SYCP1: variants seen among roughly 807,000 people sequenced by gnomAD.
SYCP1 encodes the protein synaptonemal complex protein 1, also known as cancer/testis antigen 8.
A neutral mutation model predicts 153.1 loss-of-function variants in SYCP1; 64 were observed. The ratio of observed to expected loss-of-function variants is 0.42; its 90% CI spans 0.34 to 0.51. SYCP1 has a LOEUF of 0.51. SYCP1 is among the 20% of genes least tolerant of loss of function. SYCP1 has a pLI of 0.06. For missense variants in SYCP1, 997 were observed against 1,049.0 expected (o/e 0.95, Z 0.68); for synonymous variants, 384 against 341.8 (o/e 1.12, Z -1.36).
At chr1:114,958,848 T>A (rs892093124) in intron 27 of SYCP1, among the ~76,000 whole-genome samples, 4 of 148,816 alleles carry the variant, frequency 2.7e-5, no homozygotes, top group African/African-American at 9.9e-5. Flanking sequence ...GAGAATGGCA[T>A]GAACCTGGGA....
At chr1:114,990,115 T>G (rs1303761822) in intron 30 of SYCP1, among the ~76,000 whole-genome samples, 2 of 151,912 alleles carry the variant, frequency 1.3e-5, no homozygotes, top group Admixed American at 6.6e-5. Context: ...TCTCATAGGT[T>G]TTAAAGGATA....
intron 23 of SYCP1, among the ~76,000 whole-genome samples, chr1:114,937,119 GCAT>G (rs1670065093): frequency 6.6e-6 from 1 of 152,176 alleles, no homozygotes; most frequent in Non-Finnish European, 1.5e-5. Flanking sequence ...AAAGCTGGAG[GCAT>G]CATGCTACCT....
intron 27 of SYCP1, 80 bp downstream of exon 27, chr1:114,947,400 A>G: frequency 4.2e-6 from 4 of 943,826 alleles, no homozygotes; most frequent in Non-Finnish European, 6.4e-6. Flanking sequence ...GTCATATTAT[A>G]AAATAATTTG....
intron 16 of SYCP1, among the ~76,000 whole-genome samples, chr1:114,904,274 G>A (rs961616422): frequency 5.3e-5 from 8 of 151,898 alleles, no homozygotes; most frequent in East Asian, 1.9e-4. Context: ...CCACCACCAC[G>A]CCTGGCTACT....
rs201954434 is a variant in SYCP1, at chr1:114,959,636, A to C, written c.2322+12316A>C. On this transcript the variant is annotated intron_variant, in intron 27 of 31. Transcript: ENST00000369522. The stretch of plus-strand genomic sequence containing the variant: ...ATGTCCACTTAAATTATTGGCCATA[A>C]TCACCCTATTGTGCTATCAAATGCT... 9.9e-5 allele frequency among the ~76,000 whole-genome samples: 15 copies of C among 152,160 alleles called. No individual in the cohort carries two copies. In the East Asian group the frequency reaches 2.7e-3, roughly 27 times the overall value.
At chr1:114,856,447 A>G (rs1029078125) in intron 2 of SYCP1, 126 bp from the exon 3 acceptor site, 10 of 545,318 alleles carry the variant, frequency 1.8e-5, no homozygotes, top group Non-Finnish European at 3.1e-5. Context: ...CACTGTATGT[A>G]CATTAAAGGA....
At chr1:114,948,995 A>C (rs776284702) in intron 27 of SYCP1, among the ~76,000 whole-genome samples, 8 of 152,176 alleles carry the variant, frequency 5.3e-5, no homozygotes, top group Non-Finnish European at 1.2e-4. Context: ...CACCAGGCCA[A>C]AGAGACATTT....
chr1:114,904,250 G>C (rs1212073727), intron 16 of SYCP1, among the ~76,000 whole-genome samples: 1 of 151,678 alleles, frequency 6.6e-6, no homozygotes, highest in Non-Finnish European at 1.5e-5. Context: ...CCGAGTAGCT[G>C]GGACTACAGG....
intron 11 of SYCP1, among the ~76,000 whole-genome samples, chr1:114,877,381 T>G (rs1665613402): frequency 6.6e-6 from 1 of 152,218 alleles, no homozygotes; most frequent in Admixed American, 6.5e-5. Flanking sequence ...TCAAGTCTTC[T>G]GCTTCCCAAA....
In SYCP1 at chr1:114,947,286, T is replaced by C. The variant is rs749571601; in HGVS notation, c.2288T>C (p.Val763Ala). Residue 763 changes from valine (V) to alanine (A), a missense_variant, in exon 27 of 32, where the codon GTT (valine) becomes GCT (alanine). Coordinates refer to ENST00000369522, the MANE Select transcript of SYCP1 (RefSeq NM_003176.4). ...AATCTCAAAGCTGAACTTTTGTCTG[T>C]TAAGAAGCAACTTGAAATAGAAAGA... ...LSNLKAELLS[V>A]KKQLEIEREE... 22 of 1,613,002 alleles carry C rather than the reference T, an allele frequency of 1.4e-5. No individual in the cohort carries two copies. The highest frequency in any genetic ancestry group is 1.9e-5 in the Non-Finnish European group (22 of 1,179,606).
At chr1:114,930,373 G>T (rs1412124760) in intron 23 of SYCP1, among the ~76,000 whole-genome samples, 1 of 151,844 alleles carries the variant, frequency 6.6e-6, no homozygotes, top group Admixed American at 6.6e-5. Flanking sequence ...GTCAAAAGTT[G>T]ATTATTTGAA....
At chr1:114,856,081 A>C (rs960776459) in intron 2 of SYCP1, among the ~76,000 whole-genome samples, 2 of 152,204 alleles carry the variant, frequency 1.3e-5, no homozygotes, top group African/African-American at 4.8e-5. Flanking sequence ...CAGGTGAAAC[A>C]GAGCTTTAAA....
chr1:114,923,395 C>A (rs1669029282), intron 20 of SYCP1, 54 bp from the exon 21 acceptor site: 9 of 1,467,440 alleles, frequency 6.1e-6, no homozygotes, highest in Non-Finnish European at 8.2e-6. Context: ...TATTTGAGAT[C>A]TTCTATAGGC....
intron 29 of SYCP1, among the ~76,000 whole-genome samples, chr1:114,983,562 A>AGTTCT (rs894126959): frequency 9.2e-5 from 14 of 151,816 alleles, no homozygotes; most frequent in East Asian, 1.9e-4. Context: ...AAAGAGCTTC[A>AGTTCT]GTTCTGTTCT....
At chr1:114,939,760 C>T (rs1329010762) in intron 23 of SYCP1, among the ~76,000 whole-genome samples, 1 of 152,042 alleles carries the variant, frequency 6.6e-6, no homozygotes, top group Non-Finnish European at 1.5e-5. Context: ...CACTTAAAAC[C>T]ATGCGTTTTA....
intron 27 of SYCP1, among the ~76,000 whole-genome samples, chr1:114,975,333 AGTGTGTGTGTGT>A (rs10641182): frequency 1.4e-5 from 2 of 146,566 alleles, no homozygotes; most frequent in South Asian, 4.4e-4. Context: ...CTCTAAAGTA[AGTGTGTGTGTGT>A]GTGTGTGTGT....
chr1:114,984,875 A>T lies in SYCP1; in HGVS notation c.2703+7A>T, dbSNP rs1019483281. ...AGAAACTACTGATCTTTTGGTAAAA[A>T]TTTTACAAATAATATTTAGTATTTA... On this transcript the variant is annotated splice_region_variant and intron_variant, in intron 30 of 31. Transcript: ENST00000369522. 3 of 1,295,474 alleles carry T rather than the reference A, an allele frequency of 2.3e-6. No individual in the cohort carries two copies. In the African/African-American group the frequency reaches 4.6e-5, roughly 20 times the overall value. 80.2% of individuals were successfully genotyped at this position (1,295,474 alleles called of 1,614,324 possible). A position where few individuals can be genotyped will look rare whatever the true frequency, so the allele number is the denominator to read the frequency against.
intron 16 of SYCP1, among the ~76,000 whole-genome samples, chr1:114,909,671 C>T (rs758047897): frequency 7.9e-5 from 12 of 152,016 alleles, no homozygotes; most frequent in Non-Finnish European, 1.6e-4. Context: ...CAAATGGAGA[C>T]ATAAAAATCT....
intron 16 of SYCP1, among the ~76,000 whole-genome samples, chr1:114,903,244 A>G (rs113369082): frequency 1.6e-3 from 240 of 152,324 alleles, no homozygotes; most frequent in Non-Finnish European, 2.9e-3. Context: ...AGTGGGGAGC[A>G]AATGGACCCA....
Sources: allele counts gnomAD v4.1 joint callset (sites outside exome capture counted in the v4.1 genomes callset), GRCh38; gene constraint gnomAD v4.1.1; transcripts MANE v1.5; gene names NCBI Gene and HGNC (gene_info 2026-07-23, HGNC 2026-07-21).